KIF5C: variants seen among roughly 807,000 people sequenced by gnomAD.
KIF5C encodes the protein kinesin heavy chain isoform 5C.
A neutral mutation model predicts 125.2 loss-of-function variants in KIF5C; 18 were observed. That is an observed-to-expected ratio of 0.14 (90% CI 0.10 to 0.21). KIF5C has a LOEUF of 0.21. Among genes scored for constraint, KIF5C ranks in the 10% least tolerant of loss-of-function variants. The pLI is 1.00. For synonymous variants in KIF5C, 405 were observed against 434.0 expected (o/e 0.93, Z 0.83); for missense variants, 780 against 1,183.8 (o/e 0.66, Z 5.01).
intron 5 of KIF5C, 132 bp downstream of exon 5, chr2:148,941,790 T>C (rs1013814996): frequency 1.1e-5 from 16 of 1,449,750 alleles, no homozygotes; most frequent in Admixed American, 2.5e-5. Flanking sequence ...TCAGGGTATA[T>C]GTTTATTCTC....
At chr2:149,021,196 G>A (rs1048064014) in intron 25 of KIF5C, among the ~76,000 whole-genome samples, 1 of 152,052 alleles carries the variant, frequency 6.6e-6, no homozygotes, top group African/African-American at 2.4e-5. Context: ...CCAAGTAGCT[G>A]GGACTACACA....
intron 2 of KIF5C, 124 bp downstream of exon 2, chr2:148,922,351 G>T: frequency 1.7e-6 from 1 of 572,674 alleles, no homozygotes; most frequent in South Asian, 2.5e-5. Flanking sequence ...TGGAAACACT[G>T]AATTCTATAG....
chr2:149,005,597 ATG>A lies in KIF5C; in HGVS notation c.2445+135_2445+136del, dbSNP rs1375488125. ...AAAATTAATTACTGCACACCAGAGA[ATG>A]TTATTAAAAGAATGTGCTGGAGGCA... On this transcript the variant is annotated intron_variant, in intron 22 of 25. Coordinates refer to ENST00000435030, the MANE Select transcript of KIF5C (RefSeq NM_004522.3). 3 of 1,340,518 alleles carry A rather than the reference ATG, an allele frequency of 2.2e-6. No homozygotes were observed. In the African/African-American group the frequency reaches 4.4e-5, roughly 20 times the overall value. The allele number at this position is 1,340,518 out of a possible 1,614,324, so 83.0% of individuals were successfully genotyped here. A position where few individuals can be genotyped will look rare whatever the true frequency, so the allele number is the denominator to read the frequency against.
intron 3 of KIF5C, among the ~76,000 whole-genome samples, chr2:148,930,509 C>G (rs979880504): frequency 1.3e-5 from 2 of 152,076 alleles, no homozygotes; most frequent in African/African-American, 4.8e-5. Flanking sequence ...ATCCTTCCAG[C>G]TTAGTGTTTT....
intron 1 of KIF5C, among the ~76,000 whole-genome samples, chr2:148,915,120 G>A (rs1681492549): frequency 6.6e-6 from 1 of 152,152 alleles, no homozygotes; most frequent in Non-Finnish European, 1.5e-5. Context: ...GGTGTAGAAA[G>A]ACATAGTGAC....
chr2:149,018,868 A>G (rs192707121), intron 25 of KIF5C, among the ~76,000 whole-genome samples: 40 of 152,114 alleles, frequency 2.6e-4, no homozygotes, highest in African/African-American at 9.6e-4. Context: ...ATGAGTTTAT[A>G]TATATATATA....
At chr2:148,948,149 C>T (rs1341422106) in intron 8 of KIF5C, among the ~76,000 whole-genome samples, 1 of 151,182 alleles carries the variant, frequency 6.6e-6, no homozygotes, top group Admixed American at 6.6e-5. Flanking sequence ...AGATCGAGAC[C>T]ATCCTGGCTA....
At chr2:148,948,082 T>C in intron 8 of KIF5C, 1 of 447,428 alleles carries the variant, frequency 2.2e-6, no homozygotes, top group Non-Finnish European at 4.5e-6. Context: ...GTGCAGTGGC[T>C]CACGCCTGTA....
chr2:148,944,246 G>A (rs1348372589), intron 7 of KIF5C, among the ~76,000 whole-genome samples: 2 of 152,148 alleles, frequency 1.3e-5, no homozygotes, highest in African/African-American at 4.8e-5. Flanking sequence ...TTCACAATGT[G>A]TGCAATGTCA....
intron 2 of KIF5C, 67 bp downstream of exon 2, chr2:148,922,294 C>A: frequency 9.5e-7 from 1 of 1,050,792 alleles, no homozygotes; most frequent in Non-Finnish European, 1.4e-6. Context: ...GTGATATTTG[C>A]AGCCTAGGAA....
At chr2:148,941,699 G>GA (rs1558907966) in intron 5 of KIF5C, 41 bp downstream of exon 5, 5 of 1,545,440 alleles carry the variant, frequency 3.2e-6, no homozygotes, top group Non-Finnish European at 4.4e-6. Context: ...GTTCTGTAAC[G>GA]AAAGTCCGGG....
chr2:148,964,476 G>A (rs545931040), intron 11 of KIF5C, among the ~76,000 whole-genome samples: 1 of 152,290 alleles, frequency 6.6e-6, no homozygotes, highest in Admixed American at 6.5e-5. Context: ...GCAGTCAGAT[G>A]TGGTCTCTTC....
intron 3 of KIF5C, among the ~76,000 whole-genome samples, chr2:148,935,218 C>A (rs1445267180): frequency 6.6e-6 from 1 of 152,120 alleles, no homozygotes; most frequent in East Asian, 1.9e-4. Flanking sequence ...CAAAGGCAAA[C>A]AAAGAGATGT....
At chr2:148,897,673 C>T (rs139482719) in intron 1 of KIF5C, among the ~76,000 whole-genome samples, 158 of 151,990 alleles carry the variant, frequency 1.0e-3, no homozygotes, top group Non-Finnish European at 1.9e-3. Context: ...AACTCCAGTA[C>T]TTTGGGAGGC....
At chr2:148,904,659 T>A (rs1681034288) in intron 1 of KIF5C, among the ~76,000 whole-genome samples, 1 of 152,200 alleles carries the variant, frequency 6.6e-6, no homozygotes, top group African/African-American at 2.4e-5. Context: ...GTTTGTTGTC[T>A]ATCTTGTTTC....
At chr2:149,014,738 T>G (rs973442765) in intron 25 of KIF5C, among the ~76,000 whole-genome samples, 1 of 152,248 alleles carries the variant, frequency 6.6e-6, no homozygotes, top group African/African-American at 2.4e-5. Context: ...AAGGTGGTAG[T>G]TGATACATGT....
At chr2:148,960,715 T>G (rs11885746) in intron 10 of KIF5C, among the ~76,000 whole-genome samples, 21,345 of 152,210 alleles carry the variant, frequency 0.14, 2,295 homozygotes, top group African/African-American at 0.3. Flanking sequence ...GACTGCTGAA[T>G]TTCTTGCACT....
chr2:149,014,676 A>G (rs909712687), intron 25 of KIF5C, among the ~76,000 whole-genome samples: 1 of 152,254 alleles, frequency 6.6e-6, no homozygotes, highest in Non-Finnish European at 1.5e-5. Context: ...TTCTAAGCCC[A>G]TAACAATTGC....
At chr2:148,915,615 C>T (rs996471177) in intron 1 of KIF5C, among the ~76,000 whole-genome samples, 8 of 152,234 alleles carry the variant, frequency 5.3e-5, no homozygotes, top group African/African-American at 1.9e-4. Flanking sequence ...ACAGTGAAAC[C>T]ACCAGTCCAG....
Sources: allele counts gnomAD v4.1 joint callset (sites outside exome capture counted in the v4.1 genomes callset), GRCh38; gene constraint gnomAD v4.1.1; transcripts MANE v1.5; gene names NCBI Gene and HGNC (gene_info 2026-07-23, HGNC 2026-07-21).